Variants in EFNA5 observed in about 807,000 individuals in gnomAD.
EFNA5 encodes ephrin A5, also known as ephrin-A5.
EFNA5 carries 5 observed loss-of-function variants against 22.9 expected under a neutral mutation model. The ratio of observed to expected loss-of-function variants is 0.22; its 90% CI spans 0.11 to 0.46. EFNA5 has a LOEUF of 0.46. Among genes scored for constraint, EFNA5 ranks in the 20% least tolerant of loss-of-function variants. The probability of loss-of-function intolerance (pLI) is 0.99; values close to 1 mark genes in which losing one functional copy is unlikely to be tolerated. For synonymous variants in EFNA5, 113 were observed against 112.2 expected (o/e 1.01, Z -0.04); for missense variants, 237 against 293.3 (o/e 0.81, Z 1.40).
intron 1 of EFNA5, among the ~76,000 whole-genome samples, chr5:107,435,149 G>C (rs987827004): frequency 9.9e-5 from 15 of 152,156 alleles, no homozygotes; most frequent in African/African-American, 3.6e-4. Flanking sequence ...AGGGGCTAAT[G>C]GGTCCTGCAA....
intron 1 of EFNA5, among the ~76,000 whole-genome samples, chr5:107,561,136 A>G (rs1748533091): frequency 6.6e-6 from 1 of 152,160 alleles, no homozygotes; most frequent in South Asian, 2.1e-4. Context: ...CAAATTAAGC[A>G]TACCTGGACA....
At chr5:107,385,594 G>A (rs1178646404) in intron 4 of EFNA5, among the ~76,000 whole-genome samples, 1 of 152,154 alleles carries the variant, frequency 6.6e-6, no homozygotes, top group Non-Finnish European at 1.5e-5. Context: ...TGGAATAGGA[G>A]TCAGAAGATC....
intron 1 of EFNA5, among the ~76,000 whole-genome samples, chr5:107,661,247 A>C (rs1750952993): frequency 1.3e-5 from 2 of 152,216 alleles, no homozygotes; most frequent in South Asian, 4.1e-4. Context: ...TGTTGAATAA[A>C]ATTATTGGGA....
At chr5:107,547,732 T>C (rs1334087570) in intron 1 of EFNA5, among the ~76,000 whole-genome samples, 1 of 152,206 alleles carries the variant, frequency 6.6e-6, no homozygotes, top group Non-Finnish European at 1.5e-5. Context: ...TTTGATGATA[T>C]ATATACTAAT....
At chr5:107,614,613 T>C (rs931362027) in intron 1 of EFNA5, among the ~76,000 whole-genome samples, 14 of 152,122 alleles carry the variant, frequency 9.2e-5, no homozygotes, top group African/African-American at 2.7e-4. Flanking sequence ...CAACTCCCTC[T>C]GGAGAGGAGT....
At chr5:107,512,260 T>C (rs1419162004) in intron 1 of EFNA5, among the ~76,000 whole-genome samples, 2 of 152,130 alleles carry the variant, frequency 1.3e-5, no homozygotes, top group African/African-American at 4.8e-5. Flanking sequence ...CCTGGCTCAG[T>C]GGTTAAAGAA....
At chr5:107,637,747 A>AATGTGTATGTATGATT (rs1483247715) in intron 1 of EFNA5, among the ~76,000 whole-genome samples, 2 of 148,830 alleles carry the variant, frequency 1.3e-5, no homozygotes, top group Admixed American at 6.7e-5. Flanking sequence ...GATTATACAT[A>AATGTGTATGTATGATT]ATATATAATC....
chr5:107,583,098 G>T (rs1386455742), intron 1 of EFNA5, among the ~76,000 whole-genome samples: 7 of 152,064 alleles, frequency 4.6e-5, no homozygotes, highest in Non-Finnish European at 1.0e-4. Context: ...CCAGGGTAAA[G>T]AATTTTAATC....
At chr5:107,470,891 C>T (rs747561259) in intron 1 of EFNA5, among the ~76,000 whole-genome samples, 9 of 152,046 alleles carry the variant, frequency 5.9e-5, no homozygotes, top group East Asian at 1.9e-4. Flanking sequence ...TAAAAATACA[C>T]GAAATCAGGA....
At chr5:107,582,097 G>C (rs929967147) in intron 1 of EFNA5, among the ~76,000 whole-genome samples, 2 of 152,142 alleles carry the variant, frequency 1.3e-5, no homozygotes. Flanking sequence ...TGAAAGATGA[G>C]TGTAACAAAA....
intron 1 of EFNA5, among the ~76,000 whole-genome samples, chr5:107,609,581 C>CGCTG (rs1444454791): frequency 6.6e-6 from 1 of 152,154 alleles, no homozygotes; most frequent in Admixed American, 6.5e-5. Context: ...GAAAAATTGC[C>CGCTG]GCTGAGCCCA....
chr5:107,400,736 C>A lies in EFNA5; in HGVS notation c.419-12965G>T, dbSNP rs565308485. On this transcript the variant is annotated intron_variant, in intron 2 of 4. Transcript: ENST00000333274. ...CAAGGTTATATATTACAAAAAATAA[C>A]CAAAGGCAGCAAGGTGTTCCAGAAA... Among the ~76,000 whole-genome samples the A allele has an allele frequency of 5.3e-5, 8 of 152,288 alleles. No homozygotes were observed. The East Asian group carries it at 7.7e-4, about 15-fold the overall frequency.
chr5:107,651,219 T>C (rs1334780109), intron 1 of EFNA5, among the ~76,000 whole-genome samples: 8 of 152,104 alleles, frequency 5.3e-5, no homozygotes, highest in African/African-American at 2.4e-5. Context: ...TATGTAAAAA[T>C]CAGTTTTCTC....
intron 1 of EFNA5, among the ~76,000 whole-genome samples, chr5:107,612,994 A>C (rs905308069): frequency 4.6e-5 from 7 of 152,200 alleles, no homozygotes; most frequent in African/African-American, 1.7e-4. Flanking sequence ...AAGCCAAAAA[A>C]ATTGCTTCAT....
At chr5:107,559,597 TA>T (rs1214946815) in intron 1 of EFNA5, among the ~76,000 whole-genome samples, 2 of 152,232 alleles carry the variant, frequency 1.3e-5, no homozygotes, top group African/African-American at 4.8e-5. Context: ...TTCATTTCAC[TA>T]CATACATGAA....
intron 2 of EFNA5, among the ~76,000 whole-genome samples, chr5:107,410,046 T>TTTA (rs1748322662): frequency 2.9e-5 from 2 of 67,824 alleles, no homozygotes; most frequent in African/African-American, 1.1e-4. Flanking sequence ...TTTTTTTTTT[T>TTTA]GAGACGAAGT....
intron 2 of EFNA5, among the ~76,000 whole-genome samples, chr5:107,399,312 A>AAC (rs1748017183): frequency 7.6e-5 from 11 of 145,488 alleles, no homozygotes; most frequent in Admixed American, 6.4e-4. Context: ...GAAGGAAGGA[A>AAC]GGAAACGGAA....
chr5:107,562,655 A>G (rs539423115), intron 1 of EFNA5, among the ~76,000 whole-genome samples: 3 of 152,330 alleles, frequency 2.0e-5, no homozygotes, highest in African/African-American at 7.2e-5. Flanking sequence ...AAAGTTCCTA[A>G]TATGTAGTAA....
In EFNA5 at chr5:107,652,260, G is replaced by C. The variant is rs557052327; in HGVS notation, c.125+18229C>G. On this transcript the variant is annotated intron_variant, in intron 1 of 4. Coordinates refer to ENST00000333274, the MANE Select transcript of EFNA5 (RefSeq NM_001962.3). ...CCATATACAAGGTTACAGCCAGTAG[G>C]CCTTTGCTCCTGTTCCTAAGGATCC... 2.6e-5 allele frequency among the ~76,000 whole-genome samples: 4 copies of C among 152,180 alleles called. No homozygotes were observed. The East Asian group carries it at 5.8e-4, about 22-fold the overall frequency.
Sources: allele counts gnomAD v4.1 joint callset (sites outside exome capture counted in the v4.1 genomes callset), GRCh38; gene constraint gnomAD v4.1.1; transcripts MANE v1.5; gene names NCBI Gene and HGNC (gene_info 2026-07-23, HGNC 2026-07-21).